ICA1L: variants seen among roughly 807,000 people sequenced by gnomAD.
ICA1L encodes the protein islet cell autoantigen 1-like protein.
ICA1L carries 50 observed loss-of-function variants against 61.3 expected under a neutral mutation model. That is an observed-to-expected ratio of 0.82 (90% CI 0.65 to 1.03). ICA1L has a LOEUF of 1.03. Ranked by LOEUF, ICA1L falls within the 50% of genes least tolerant of loss-of-function variation. ICA1L has a pLI of 0.00. For missense variants in ICA1L, 508 were observed against 556.7 expected, an observed-to-expected ratio of 0.91 and a Z score of 0.88; for synonymous variants, 161 against 191.3, an observed-to-expected ratio of 0.84 and a Z score of 1.31.
chr2:202,851,702 T>C (rs1484935444), intron 1 of ICA1L, among the ~76,000 whole-genome samples: 1 of 152,220 alleles, frequency 6.6e-6, no homozygotes, highest in African/African-American at 2.4e-5. Context: ...TGATCGCCAT[T>C]CTAACTGGTG....
chr2:202,871,316 C>T (rs1372273519), intron 1 of ICA1L: 2 of 152,202 alleles, frequency 1.3e-5, no homozygotes, highest in Non-Finnish European at 2.9e-5. Context: ...CCGGGAGGCG[C>T]CCTTCCGCCG....
chr2:202,826,900 C>T (rs1693858987), intron 2 of ICA1L, among the ~76,000 whole-genome samples: 1 of 152,130 alleles, frequency 6.6e-6, no homozygotes. Flanking sequence ...GAAGCCTGAA[C>T]ATTCTATCTG....
At chr2:202,804,803 T>C (rs1306185592) in intron 9 of ICA1L, among the ~76,000 whole-genome samples, 1 of 152,210 alleles carries the variant, frequency 6.6e-6, no homozygotes, top group African/African-American at 2.4e-5. Context: ...ATAATTAGTG[T>C]CATAAGAACA....
At chr2:202,789,817 G>A (rs72932737) in intron 10 of ICA1L, among the ~76,000 whole-genome samples, 13,943 of 152,204 alleles carry the variant, frequency 0.092, 756 homozygotes, top group Non-Finnish European at 0.13. Context: ...TTTGGACTGA[G>A]CTCTTGTACT....
chr2:202,850,193 C>A (rs1694580938), intron 1 of ICA1L, among the ~76,000 whole-genome samples: 1 of 152,070 alleles, frequency 6.6e-6, no homozygotes, highest in East Asian at 1.9e-4. Context: ...GAGGAAAAAA[C>A]AGCACAAAAA....
chr2:202,870,577 T>G (rs760754678), intron 1 of ICA1L: 5 of 152,212 alleles, frequency 3.3e-5, no homozygotes, highest in Admixed American at 6.5e-5. Flanking sequence ...TAACTCCTAC[T>G]AAAGGATGAG....
At chr2:202,801,327 G>C (rs1211989186) in intron 9 of ICA1L, among the ~76,000 whole-genome samples, 1 of 152,102 alleles carries the variant, frequency 6.6e-6, no homozygotes, top group Non-Finnish European at 1.5e-5. Context: ...ATGTAGTTTG[G>C]TTTCATTTTA....
At chr2:202,797,136 G>GTGTA (rs1692955172) in intron 9 of ICA1L, among the ~76,000 whole-genome samples, 172 bp from the exon 10 acceptor site, 1 of 62,276 alleles carries the variant, frequency 1.6e-5, no homozygotes, top group African/African-American at 1.0e-4. Flanking sequence ...TCACATTTGT[G>GTGTA]TGTGTGTGTG....
intron 10 of ICA1L, among the ~76,000 whole-genome samples, chr2:202,792,359 A>G (rs552243984): frequency 6.6e-6 from 1 of 152,320 alleles, no homozygotes; most frequent in East Asian, 1.9e-4. Flanking sequence ...GAAAATGACA[A>G]TGTATGCCTG....
At chr2:202,840,993 A>T in intron 1 of ICA1L, 1 of 674,330 alleles carries the variant, frequency 1.5e-6, no homozygotes, top group South Asian at 1.4e-5. Flanking sequence ...CTGCGCCTTG[A>T]CCTCAGCGAT....
intron 12 of ICA1L, among the ~76,000 whole-genome samples, chr2:202,784,992 G>A (rs1378688833): frequency 6.6e-6 from 1 of 152,016 alleles, no homozygotes; most frequent in Non-Finnish European, 1.5e-5. Flanking sequence ...GCCTGAGGCG[G>A]GCGGATCATG....
chr2:202,784,942 GGGCATGGT>G (rs1343832294), intron 12 of ICA1L, among the ~76,000 whole-genome samples: 2 of 152,062 alleles, frequency 1.3e-5, no homozygotes, highest in Non-Finnish European at 2.9e-5. Flanking sequence ...AATATGGGCT[GGGCATGGT>G]GGCTCATGCC....
chr2:202,821,970 A>G (rs1693715802), intron 3 of ICA1L, among the ~76,000 whole-genome samples: 1 of 152,182 alleles, frequency 6.6e-6, no homozygotes, highest in South Asian at 2.1e-4. Context: ...AAAAACTGTC[A>G]TCTAGTGCAC....
intron 9 of ICA1L, among the ~76,000 whole-genome samples, chr2:202,799,907 G>A (rs1312562124): frequency 2.1e-5 from 3 of 143,706 alleles, no homozygotes; most frequent in Non-Finnish European, 3.0e-5. Context: ...TAGATGGAGT[G>A]TCACTCTGTT....
intron 1 of ICA1L, among the ~76,000 whole-genome samples, chr2:202,839,672 T>C (rs1389798999): frequency 1.3e-5 from 2 of 151,728 alleles, no homozygotes; most frequent in African/African-American, 4.9e-5. Context: ...TTGAAGAATT[T>C]AATCTATTTA....
At chr2:202,803,640 A>T (rs777572197) in intron 9 of ICA1L, among the ~76,000 whole-genome samples, 1 of 151,962 alleles carries the variant, frequency 6.6e-6, no homozygotes, top group African/African-American at 2.4e-5. Context: ...CACTCAACTG[A>T]TCGTTCCTCC....
chr2:202,853,423 C>A (rs1183260878), intron 1 of ICA1L, among the ~76,000 whole-genome samples: 18 of 151,380 alleles, frequency 1.2e-4, no homozygotes, highest in Admixed American at 1.1e-3. Context: ...AAACCTAGGC[C>A]ATACCATTCA....
chr2:202,847,546 C>T (rs552893561), intron 1 of ICA1L, among the ~76,000 whole-genome samples: 5 of 151,450 alleles, frequency 3.3e-5, no homozygotes, highest in South Asian at 2.1e-4. Context: ...CAGTAAAATA[C>T]GAATAATGAA....
At chr2:202,864,167 T>G (rs1687392711) in intron 1 of ICA1L, among the ~76,000 whole-genome samples, 2 of 152,136 alleles carry the variant, frequency 1.3e-5, no homozygotes, top group South Asian at 4.1e-4. Flanking sequence ...GAAAGAATAG[T>G]TCCCAATTCA....
Sources: allele counts gnomAD v4.1 joint callset (sites outside exome capture counted in the v4.1 genomes callset), GRCh38; gene constraint gnomAD v4.1.1; transcripts MANE v1.5; gene names NCBI Gene and HGNC (gene_info 2026-07-23, HGNC 2026-07-21).